The following CCDC178 variants were observed in gnomAD, a reference collection of about 807,000 sequenced individuals.
The protein encoded by CCDC178 is coiled-coil domain-containing protein 178.
In CCDC178, 126 loss-of-function variants were observed where a neutral mutation model predicts 117.4. The ratio of observed to expected loss-of-function variants is 1.07; its 90% CI spans 0.93 to 1.24. The LOEUF (loss-of-function observed/expected upper bound fraction) is 1.24, where lower values mean the gene tolerates loss of function less well. Among genes scored for constraint, CCDC178 ranks in the 50% most tolerant of loss-of-function variants. CCDC178 has a pLI of 0.00. For synonymous variants in CCDC178, 283 were observed against 313.4 expected (o/e 0.90, Z 1.02); for missense variants, 1,030 against 986.9 (o/e 1.04, Z -0.59).
chr18:33,206,805 T>C (rs1300357006), intron 20 of CCDC178, among the ~76,000 whole-genome samples: 1 of 152,222 alleles, frequency 6.6e-6, no homozygotes, highest in Non-Finnish European at 1.5e-5. Flanking sequence ...TTTTCAATGA[T>C]GTTTGTATAG....
intron 2 of CCDC178, among the ~76,000 whole-genome samples, chr18:33,427,326 G>T (rs1291045071): frequency 1.3e-5 from 2 of 152,034 alleles, no homozygotes; most frequent in African/African-American, 4.8e-5. Context: ...AATAAATCAT[G>T]CCTTGAGAAT....
At chr18:33,152,145 T>A (rs993632038) in intron 20 of CCDC178, among the ~76,000 whole-genome samples, 2 of 151,942 alleles carry the variant, frequency 1.3e-5, no homozygotes, top group African/African-American at 4.8e-5. Context: ...AAGAGATAAA[T>A]ATATACAATG....
chr18:33,316,503 C>A (rs1009019427), intron 11 of CCDC178, among the ~76,000 whole-genome samples: 6 of 152,122 alleles, frequency 3.9e-5, no homozygotes, highest in Non-Finnish European at 7.4e-5. Flanking sequence ...CTGCCCTAGC[C>A]TCCCTGACGA....
At chr18:33,433,831 C>A (rs1394398144) in intron 2 of CCDC178, among the ~76,000 whole-genome samples, 1 of 150,914 alleles carries the variant, frequency 6.6e-6, no homozygotes, top group South Asian at 2.1e-4. Flanking sequence ...TTTTCTTATA[C>A]GTTTCATAAA....
chr18:33,174,511 G>A (rs2144441087), intron 20 of CCDC178, among the ~76,000 whole-genome samples: 1 of 152,218 alleles, frequency 6.6e-6, no homozygotes, highest in South Asian at 2.1e-4. Flanking sequence ...TGAGGACAGA[G>A]GATGAGATTT....
intron 21 of CCDC178, among the ~76,000 whole-genome samples, chr18:32,993,824 T>G (rs977128737): frequency 2.0e-5 from 3 of 152,190 alleles, no homozygotes; most frequent in Admixed American, 6.5e-5. Flanking sequence ...TTTGAATGAC[T>G]TAATTAATAA....
At chr18:33,020,927 A>G (rs2056104034) in intron 21 of CCDC178, among the ~76,000 whole-genome samples, 1 of 152,236 alleles carries the variant, frequency 6.6e-6, no homozygotes, top group Non-Finnish European at 1.5e-5. Context: ...CACTACAGCC[A>G]TCACATGAAG....
chr18:33,396,439 G>A (rs2063638323), intron 4 of CCDC178, among the ~76,000 whole-genome samples: 1 of 152,032 alleles, frequency 6.6e-6, no homozygotes, highest in Non-Finnish European at 1.5e-5. Flanking sequence ...TACCAATTCT[G>A]CTGATAGGTA....
intron 20 of CCDC178, among the ~76,000 whole-genome samples, chr18:33,136,805 T>A (rs374403877): frequency 6.6e-6 from 1 of 152,178 alleles, no homozygotes; most frequent in Admixed American, 6.5e-5. Flanking sequence ...CTCTATTTCA[T>A]ATAATTTGTT....
At chr18:32,950,585 C>A (rs1034988644) in intron 22 of CCDC178, among the ~76,000 whole-genome samples, 2 of 152,102 alleles carry the variant, frequency 1.3e-5, no homozygotes, top group Non-Finnish European at 2.9e-5. Context: ...TGGTTTCCAA[C>A]AGTTACAGTT....
At chr18:33,289,355 G>A (rs914738049) in intron 12 of CCDC178, among the ~76,000 whole-genome samples, 9 of 152,166 alleles carry the variant, frequency 5.9e-5, no homozygotes, top group Non-Finnish European at 1.2e-4. Context: ...TGGCTCATGC[G>A]TGTAATCCCA....
chr18:33,371,784 T>TAC (rs146013235), intron 5 of CCDC178, among the ~76,000 whole-genome samples: 7,336 of 144,178 alleles, frequency 0.051, 216 homozygotes, highest in Non-Finnish European at 0.06. Context: ...TAAACATATA[T>TAC]ACACACACAC....
At chr18:33,403,543 CTT>C (rs1327097245) in intron 3 of CCDC178, among the ~76,000 whole-genome samples, 3 of 149,726 alleles carry the variant, frequency 2.0e-5, no homozygotes, top group African/African-American at 7.4e-5. Context: ...AGCAAATAGA[CTT>C]TTGTCAAAAT....
intron 11 of CCDC178, among the ~76,000 whole-genome samples, chr18:33,294,644 G>A (rs2062083034): frequency 6.6e-6 from 1 of 152,172 alleles, no homozygotes; most frequent in African/African-American, 2.4e-5. Context: ...TTCCATGTCT[G>A]CAGAGTATAG....
intron 11 of CCDC178, among the ~76,000 whole-genome samples, chr18:33,319,793 T>C (rs1293141736): frequency 2.0e-5 from 3 of 152,232 alleles, no homozygotes; most frequent in African/African-American, 7.2e-5. Flanking sequence ...TGGCCAGTGA[T>C]GATGAGCATT....
chr18:33,210,153 CCAGA>C (rs1599004106), intron 20 of CCDC178, among the ~76,000 whole-genome samples: 2 of 151,992 alleles, frequency 1.3e-5, no homozygotes, highest in East Asian at 1.9e-4. Context: ...GTACTTCTGG[CCAGA>C]CATAGTACTG....
At chr18:33,282,042 C>T (rs1176920038) in intron 12 of CCDC178, among the ~76,000 whole-genome samples, 2 of 152,046 alleles carry the variant, frequency 1.3e-5, no homozygotes, top group Non-Finnish European at 2.9e-5. Context: ...AGGGAAGGCA[C>T]CAAGAGTGGA....
chr18:33,390,819 ATTG>A (rs2063554148), intron 4 of CCDC178, among the ~76,000 whole-genome samples: 1 of 151,858 alleles, frequency 6.6e-6, no homozygotes, highest in Non-Finnish European at 1.5e-5. Context: ...AAATAAAAAA[ATTG>A]TTTTACTCTA....
At position 32,997,721 on chromosome 18, in the gene CCDC178, TCTGA is replaced by T. The variant is rs201457809; in HGVS notation, c.2389-23044_2389-23041del. Among the ~76,000 whole-genome samples the T allele has an allele frequency of 9.0e-3, 1,375 of 152,226 alleles. 19 individuals are homozygous for T. The highest frequency in any genetic ancestry group is 0.031 in the African/African-American group (1,308 of 41,536). ...ATCTATCTATTCGTCTATCTATCTG[TCTGA>T]CTATTTATATATCTATGTTTTTTTA... On this transcript the variant is annotated intron_variant, in intron 21 of 22. Transcript: ENST00000383096.
Sources: allele counts gnomAD v4.1 joint callset (sites outside exome capture counted in the v4.1 genomes callset), GRCh38; gene constraint gnomAD v4.1.1; transcripts MANE v1.5; gene names NCBI Gene and HGNC (gene_info 2026-07-23, HGNC 2026-07-21).